RHOA: variants seen among roughly 807,000 people sequenced by gnomAD.
The protein encoded by RHOA is transforming protein RhoA.
RHOA carries 3 observed loss-of-function variants against 17.5 expected under a neutral mutation model. The observed-to-expected ratio is 0.17, with a 90% CI of 0.08 to 0.44. RHOA has a LOEUF of 0.44. Ranked by LOEUF, RHOA falls within the 20% of genes least tolerant of loss-of-function variation. RHOA has a pLI of 0.99. For missense variants in RHOA, 56 were observed against 242.3 expected (o/e 0.23, Z 5.10); for synonymous variants, 98 against 88.4 (o/e 1.11, Z -0.61).
rs114067825 is a variant in RHOA at position 49,378,926 on chromosome 3, T to C, written c.-2-3335A>G. On this transcript the variant is annotated intron_variant, in intron 1 of 4. Transcript: ENST00000418115. ...ACAGTATATAGAAAAAATTAAAAAA[T>C]AAAGAACTCTTACAATTCAATAATA... is the stretch of plus-strand genomic sequence containing the variant. 2.0e-3 allele frequency among the ~76,000 whole-genome samples: 309 copies of C among 152,044 alleles called. 1 individual carries two copies. Among genetic ancestry groups the C allele is most frequent in the African/African-American group, 7.2e-3 (300 of 41,468 alleles).
intron 1 of RHOA, among the ~76,000 whole-genome samples, chr3:49,387,492 C>G (rs1488593567): frequency 6.8e-6 from 1 of 147,286 alleles, no homozygotes. Context: ...TGCCTGTAAT[C>G]CCAGCACTTT....
chr3:49,374,585 C>T (rs920709615), intron 2 of RHOA, among the ~76,000 whole-genome samples: 7 of 151,772 alleles, frequency 4.6e-5, no homozygotes, highest in Admixed American at 1.3e-4. Context: ...GGCATGGCGG[C>T]GTGCGCCTGT....
intron 4 of RHOA, among the ~76,000 whole-genome samples, chr3:49,361,994 C>G (rs1281678100): frequency 1.3e-5 from 2 of 151,934 alleles, no homozygotes; most frequent in Non-Finnish European, 2.9e-5. Context: ...TCAAGACCAG[C>G]CTGGCCAACA....
intron 3 of RHOA, among the ~76,000 whole-genome samples, chr3:49,363,649 C>T (rs576544400): frequency 5.3e-5 from 8 of 151,832 alleles, no homozygotes; most frequent in Non-Finnish European, 1.0e-4. Context: ...GTCAGGAGTT[C>T]GAGACCAGCC....
intron 1 of RHOA, among the ~76,000 whole-genome samples, chr3:49,387,245 C>A (rs2048413384): frequency 6.9e-6 from 1 of 145,546 alleles, no homozygotes. Context: ...GAAATTGAGA[C>A]CATCCTGGCT....
At chr3:49,362,080 G>A (rs899097774) in intron 4 of RHOA, among the ~76,000 whole-genome samples, 1 of 151,688 alleles carries the variant, frequency 6.6e-6, no homozygotes, top group African/African-American at 2.4e-5. Context: ...CCAGCTACTC[G>A]GGAGTCTGAG....
At chr3:49,364,153 C>T (rs952799233) in intron 3 of RHOA, among the ~76,000 whole-genome samples, 6 of 151,850 alleles carry the variant, frequency 4.0e-5, no homozygotes, top group Non-Finnish European at 8.8e-5. Flanking sequence ...AGTTCGAGAC[C>T]AGTCTGGCCA....
At chr3:49,365,072 G>C (rs769042478) in intron 3 of RHOA, 2 of 151,028 alleles carry the variant, frequency 1.3e-5, no homozygotes, top group Non-Finnish European at 2.9e-5. Flanking sequence ...GTTTACTGTT[G>C]TTATTTTCTG....
At position 49,368,480 on chromosome 3, in the gene RHOA, T is replaced by C. The variant is rs369571476; in HGVS notation, c.225A>G (p.Pro75=). The C allele has an allele frequency of 1.8e-5, 29 of 1,613,954 alleles. No individual in the cohort carries two copies. In the African/African-American group the frequency reaches 3.5e-4, roughly 19 times the overall value. The part of the protein sequence containing the change: ...DYDRLRPLSY[P]DTDVILMCFS... Reference sequence around the variant, plus strand: ...AACACATCAGTATAACATCGGTATCTGGGTAGGAGAGGGGCCTCAGGCGAT... The same window carrying C: ...AACACATCAGTATAACATCGGTATCCGGGTAGGAGAGGGGCCTCAGGCGAT... The change falls in exon 3 of 5, where the codon CCA becomes CCG. Residue 75 remains proline, a synonymous_variant. Transcript: ENST00000418115.
intron 1 of RHOA, among the ~76,000 whole-genome samples, chr3:49,409,562 T>C (rs1244182440): frequency 6.6e-6 from 1 of 152,114 alleles, no homozygotes; most frequent in African/African-American, 2.4e-5. Flanking sequence ...GATCAGTCTT[T>C]CTTCTCAGAG....
In RHOA at chr3:49,403,210, C is replaced by T. The variant is rs551869253; in HGVS notation, c.-3+8610G>A. On this transcript the variant is annotated intron_variant, in intron 1 of 4. Transcript: ENST00000418115. ...AAAGTTAGCTGGGTGTGGTGGCACG[C>T]ACCTGTAGTCCCAGCTACTCAGGAG... Among the ~76,000 whole-genome samples, 4 of 151,772 alleles carry T rather than the reference C, an allele frequency of 2.6e-5. No homozygotes were observed. In the South Asian group the frequency reaches 8.3e-4, roughly 32 times the overall value.
chr3:49,394,470 C>T (rs11716948), intron 1 of RHOA, among the ~76,000 whole-genome samples: 29,132 of 152,156 alleles, frequency 0.19, 3,442 homozygotes, highest in Non-Finnish European at 0.27. Flanking sequence ...CCTGCATCAG[C>T]CTCATGAGTA....
chr3:49,371,469 T>C (rs983995226), intron 2 of RHOA, among the ~76,000 whole-genome samples: 5 of 151,970 alleles, frequency 3.3e-5, no homozygotes, highest in South Asian at 2.1e-4. Context: ...TTAGTAGAGA[T>C]TGGGTTTTGC....
chr3:49,364,509 A>C (rs2048023370), intron 3 of RHOA, among the ~76,000 whole-genome samples: 1 of 151,710 alleles, frequency 6.6e-6, no homozygotes. Context: ...CAAAACAAAA[A>C]AATTAACTGG....
At chr3:49,401,040 T>TAAAAAAAAA (rs2048715370) in intron 1 of RHOA, among the ~76,000 whole-genome samples, 3 of 5,228 alleles carry the variant, frequency 5.7e-4, no homozygotes, top group Non-Finnish European at 1.3e-3. Flanking sequence ...AGACTCCGTC[T>TAAAAAAAAA]CAAAAAAAAA....
intron 2 of RHOA, among the ~76,000 whole-genome samples, 159 bp from the exon 3 acceptor site, chr3:49,368,707 C>CTTT (rs374609508): frequency 1.0e-4 from 13 of 130,336 alleles, no homozygotes; most frequent in South Asian, 2.4e-4. Flanking sequence ...TTTCTTTTTT[C>CTTT]TTTTTTTTTT....
intron 2 of RHOA, 26 bp from the exon 3 acceptor site, chr3:49,368,574 A>G: frequency 6.2e-7 from 1 of 1,613,830 alleles, no homozygotes; most frequent in Non-Finnish European, 8.5e-7. Flanking sequence ...CAACCACAAG[A>G]GTGCAAGGTT....
chr3:49,400,073 A>T (rs1401262714), intron 1 of RHOA, among the ~76,000 whole-genome samples: 1 of 151,808 alleles, frequency 6.6e-6, no homozygotes, highest in African/African-American at 2.4e-5. Context: ...TTAGCTGGGC[A>T]TGGTGGCACG....
At chr3:49,394,879 G>C (rs139913193) in intron 1 of RHOA, among the ~76,000 whole-genome samples, 1 of 152,256 alleles carries the variant, frequency 6.6e-6, no homozygotes, top group African/African-American at 2.4e-5. Context: ...CCCCTGGAAA[G>C]AGCGGTAACG....
Sources: gnomAD v4.1 joint callset for allele counts (sites outside exome capture counted in the v4.1 genomes callset) on GRCh38, gnomAD v4.1.1 for gene constraint, MANE v1.5 for transcripts, NCBI Gene and HGNC (gene_info 2026-07-23, HGNC 2026-07-21) for gene names.